DOK6: variants seen among roughly 807,000 people sequenced by gnomAD.
The protein encoded by DOK6 is docking protein 6, also known as downstream of tyrosine kinase 6.
Under a neutral mutation model 44.0 loss-of-function variants are expected in DOK6, and 22 were observed. The ratio of observed to expected loss-of-function variants is 0.50; its 90% CI spans 0.36 to 0.71. The LOEUF (loss-of-function observed/expected upper bound fraction) is 0.71, where lower values mean the gene tolerates loss of function less well. Among genes scored for constraint, DOK6 ranks in the 30% least tolerant of loss-of-function variants. DOK6 has a pLI of 0.00. For missense variants in DOK6, 340 were observed against 416.4 expected, an observed-to-expected ratio of 0.82 and a Z score of 1.60; for synonymous variants, 166 against 145.5, an observed-to-expected ratio of 1.14 and a Z score of -1.01.
chr18:69,440,840 A>G (rs367702726), intron 1 of DOK6, among the ~76,000 whole-genome samples: 24 of 152,188 alleles, frequency 1.6e-4, no homozygotes, highest in African/African-American at 5.5e-4. Context: ...TTTATGTAGA[A>G]CTGTGATCCT....
chr18:69,539,116 A>G (rs1297216469), intron 1 of DOK6, among the ~76,000 whole-genome samples: 1 of 152,176 alleles, frequency 6.6e-6, no homozygotes, highest in Non-Finnish European at 1.5e-5. Flanking sequence ...TTTTCTTATC[A>G]AACTACACTA....
intron 4 of DOK6, among the ~76,000 whole-genome samples, chr18:69,691,228 T>TAAATAAATAAAA (rs1555724029): frequency 1.2e-4 from 18 of 144,586 alleles, no homozygotes; most frequent in African/African-American, 2.3e-4. Context: ...AATAAATAAA[T>TAAATAAATAAAA]AAAAATATAG....
chr18:69,684,440 C>A (rs879708875), intron 4 of DOK6, among the ~76,000 whole-genome samples: 11 of 152,220 alleles, frequency 7.2e-5, no homozygotes, highest in Admixed American at 7.2e-4. Context: ...TTCTTTTGCC[C>A]TGGGAACATG....
At chr18:69,596,289 C>A (rs913749539) in intron 2 of DOK6, among the ~76,000 whole-genome samples, 1 of 151,962 alleles carries the variant, frequency 6.6e-6, no homozygotes, top group Non-Finnish European at 1.5e-5. Context: ...AATCAGCCTG[C>A]AAATAGTGGA....
At chr18:69,657,865 T>C (rs1985409097) in intron 3 of DOK6, among the ~76,000 whole-genome samples, 1 of 152,184 alleles carries the variant, frequency 6.6e-6, no homozygotes, top group Admixed American at 6.5e-5. Context: ...GGTTGGTGTG[T>C]AGGTGAGTGG....
intron 7 of DOK6, among the ~76,000 whole-genome samples, chr18:69,815,422 C>A (rs563454577): frequency 6.6e-6 from 1 of 152,066 alleles, no homozygotes; most frequent in African/African-American, 2.4e-5. Flanking sequence ...CAGTAATATA[C>A]GATAGAGATA....
At position 69,472,129 on chromosome 18, in the gene DOK6, A is replaced by T. The variant is rs142766336; in HGVS notation, c.66+70819A>T. Among the ~76,000 whole-genome samples the T allele has an allele frequency of 4.6e-3, 698 of 152,322 alleles. 3 individuals carry two copies. The highest frequency in any genetic ancestry group is 7.7e-3 in the Non-Finnish European group (524 of 68,024). On this transcript the variant is annotated intron_variant, in intron 1 of 7. Coordinates refer to ENST00000382713, the MANE Select transcript of DOK6 (RefSeq NM_152721.6). ...TTACTTATGAGAAAACTGAGACATA[A>T]CCTTACCTAGGAAATAGTTCCTCCG...
chr18:69,826,513 G>A lies in DOK6; in HGVS notation c.857-14731G>A, dbSNP rs144017998. ...TGCCCACTGGCAGAGTGGTACTATG[G>A]CTAATAAGGGTTGCTAAACCCACCT... On this transcript the variant is annotated intron_variant, in intron 7 of 7. Coordinates refer to ENST00000382713, the MANE Select transcript of DOK6 (RefSeq NM_152721.6). Among the ~76,000 whole-genome samples the A allele has an allele frequency of 1.8e-3, 273 of 152,210 alleles. 1 individual carries two copies. The highest frequency in any genetic ancestry group is 6.1e-3 in the African/African-American group (252 of 41,540).
chr18:69,707,588 A>G (rs1986662841), intron 5 of DOK6, among the ~76,000 whole-genome samples: 1 of 152,222 alleles, frequency 6.6e-6, no homozygotes, highest in African/African-American at 2.4e-5. Flanking sequence ...AGTGATGAAC[A>G]AAGTCTCCGT....
chr18:69,469,682 A>T (rs1339914618), intron 1 of DOK6: 4 of 254,816 alleles, frequency 1.6e-5, no homozygotes, highest in Non-Finnish European at 3.2e-5. Flanking sequence ...CGCCCCGGAG[A>T]TACGCTGCTG....
intron 7 of DOK6, among the ~76,000 whole-genome samples, chr18:69,766,897 G>T (rs1979733538): frequency 1.3e-5 from 2 of 152,114 alleles, no homozygotes; most frequent in Admixed American, 6.6e-5. Context: ...TTCTTACTGT[G>T]CTTGGGGAAA....
chr18:69,644,251 AG>A (rs2144656723), intron 3 of DOK6, among the ~76,000 whole-genome samples: 1 of 152,152 alleles, frequency 6.6e-6, no homozygotes, highest in Non-Finnish European at 1.5e-5. Context: ...ACAGAGCAAA[AG>A]TTTTTAATTT....
intron 2 of DOK6, among the ~76,000 whole-genome samples, chr18:69,590,390 T>A (rs967768590): frequency 6.6e-6 from 1 of 152,098 alleles, no homozygotes; most frequent in Non-Finnish European, 1.5e-5. Flanking sequence ...CCCATTGGTC[T>A]TGAAGAATGA....
At position 69,482,189 on chromosome 18, in the gene DOK6, T is replaced by C. The variant is rs560896985; in HGVS notation, c.66+80879T>C. Among the ~76,000 whole-genome samples, 11 of 152,306 alleles carry C rather than the reference T, an allele frequency of 7.2e-5. No homozygotes were observed. In the East Asian group the frequency reaches 1.7e-3, roughly 24 times the overall value. On this transcript the variant is annotated intron_variant, in intron 1 of 7. Coordinates refer to ENST00000382713, the MANE Select transcript of DOK6 (RefSeq NM_152721.6). The stretch of plus-strand genomic sequence containing the variant: ...TCTGTAGGTTGCCTGTTCACTCTGA[T>C]GGTAGTTTCTTTTCCTGTGCAGAAG...
rs1981433046 is a variant in DOK6 at position 69,817,434 on chromosome 18, G to A, written c.857-23810G>A. Among the ~76,000 whole-genome samples the A allele has an allele frequency of 4.6e-5, 7 of 152,256 alleles. No individual in the cohort carries two copies. The South Asian group carries it at 1.4e-3, about 32-fold the overall frequency. Reference sequence around the variant, plus strand: ...GTCATAACAAAATACCACAGACTGGGTGGTGTAAACAACAGAGATTTATTT... The same window carrying A: ...GTCATAACAAAATACCACAGACTGGATGGTGTAAACAACAGAGATTTATTT... On this transcript the variant is annotated intron_variant, in intron 7 of 7. Transcript: ENST00000382713.
intron 1 of DOK6, among the ~76,000 whole-genome samples, chr18:69,445,361 T>C (rs114232409): frequency 3.3e-5 from 5 of 152,236 alleles, no homozygotes; most frequent in African/African-American, 1.2e-4. Flanking sequence ...ATCCTTTTCT[T>C]GTTCCTAGTC....
intron 3 of DOK6, among the ~76,000 whole-genome samples, chr18:69,658,227 C>G (rs965639208): frequency 3.3e-5 from 5 of 151,956 alleles, no homozygotes; most frequent in Non-Finnish European, 4.4e-5. Flanking sequence ...GCTGGGAATA[C>G]AAGCGTTAAG....
chr18:69,819,871 G>A (rs890008992), intron 7 of DOK6, among the ~76,000 whole-genome samples: 1 of 152,064 alleles, frequency 6.6e-6, no homozygotes, highest in African/African-American at 2.4e-5. Flanking sequence ...AGGCCACATT[G>A]GAAGAAGAAT....
chr18:69,551,165 G>C (rs58925573), intron 1 of DOK6, among the ~76,000 whole-genome samples: 1 of 152,192 alleles, frequency 6.6e-6, no homozygotes, highest in Non-Finnish European at 1.5e-5. Context: ...AGTGATAAGT[G>C]TATGGACACC....
Sources: allele counts gnomAD v4.1 joint callset (sites outside exome capture counted in the v4.1 genomes callset), GRCh38; gene constraint gnomAD v4.1.1; transcripts MANE v1.5; gene names NCBI Gene and HGNC (gene_info 2026-07-23, HGNC 2026-07-21).